MALRD1: variants seen among roughly 807,000 people sequenced by gnomAD.
MALRD1 encodes MAM and LDL-receptor class A domain-containing protein 1.
MALRD1 carries 247 observed loss-of-function variants against 242.1 expected under a neutral mutation model. The ratio of observed to expected loss-of-function variants is 1.02; its 90% CI spans 0.92 to 1.13. The LOEUF (loss-of-function observed/expected upper bound fraction) is 1.13, where lower values mean the gene tolerates loss of function less well. Ranked by LOEUF, MALRD1 falls within the 50% of genes most tolerant of loss-of-function variation. The pLI is 0.00. For missense variants in MALRD1, 2,989 were observed against 2,533.1 expected (o/e 1.18, Z -3.86); for synonymous variants, 995 against 866.6 (o/e 1.15, Z -2.60).
chr10:19,511,915 A>C lies in MALRD1; in HGVS notation c.5320+13269A>C, dbSNP rs547646464. ...AAGTTTTGATCCTTGTTTTGGGGAAAGTTGGCCACATCTAGGATGTCATCT... is the reference window on the plus strand; with the variant it reads ...AAGTTTTGATCCTTGTTTTGGGGAACGTTGGCCACATCTAGGATGTCATCT... On this transcript the variant is annotated intron_variant, in intron 31 of 39. Transcript: ENST00000454679. 2.4e-3 allele frequency among the ~76,000 whole-genome samples: 365 copies of C among 152,198 alleles called. 7 individuals carry two copies. In the East Asian group the frequency reaches 0.05, roughly 21 times the overall value.
chr10:19,168,659 G>A lies in MALRD1; in HGVS notation c.1830+2849G>A, dbSNP rs573903682. Among the ~76,000 whole-genome samples, 55 of 152,230 alleles carry A rather than the reference G, an allele frequency of 3.6e-4. 1 individual carries two copies. The highest frequency in any genetic ancestry group is 1.3e-3 in the African/African-American group (53 of 41,550). ...GGAGACTATCCCTTATTATCTGGGG[G>A]CATATTAACTAGTTTGTAGATGGGC... On this transcript the variant is annotated intron_variant, in intron 13 of 39. Coordinates refer to ENST00000454679, the MANE Select transcript of MALRD1 (RefSeq NM_001142308.3).
intron 38 of MALRD1, 48 bp downstream of exon 38, chr10:19,692,602 A>T: frequency 7.0e-7 from 1 of 1,419,432 alleles, no homozygotes; most frequent in Middle Eastern, 1.8e-4. Context: ...TAGCAGAAAA[A>T]TTTTCTTCAA....
chr10:19,302,500 G>C (rs1467467341), intron 21 of MALRD1, among the ~76,000 whole-genome samples: 1 of 151,772 alleles, frequency 6.6e-6, no homozygotes, highest in East Asian at 1.9e-4. Context: ...GATGAACGTT[G>C]AGAACATTAT....
In MALRD1 at chr10:19,133,956, A is replaced by C; in HGVS notation, c.1203+8A>C. ...GATCTGAAGACATTTAAGGTATGAA[A>C]GAAAAAAAAAAAGTATTTTTTTATC... On this transcript the variant is annotated splice_region_variant and intron_variant, in intron 9 of 39. Transcript: ENST00000454679. The C allele has an allele frequency of 1.7e-6, 2 of 1,207,472 alleles. No homozygotes were observed. Among genetic ancestry groups the C allele is most frequent in the Non-Finnish European group, 1.0e-6 (1 of 966,218 alleles). The allele number at this position is 1,207,472 out of a possible 1,614,324, so 74.8% of individuals were successfully genotyped here. A position where few individuals can be genotyped will look rare whatever the true frequency, so the allele number is the denominator to read the frequency against.
intron 21 of MALRD1, among the ~76,000 whole-genome samples, chr10:19,310,869 T>C (rs1433784547): frequency 6.6e-6 from 1 of 151,474 alleles, no homozygotes; most frequent in Non-Finnish European, 1.5e-5. Flanking sequence ...ACAGTGCATG[T>C]CCCAGAATAC....
chr10:19,563,608 C>T (rs533574178), intron 32 of MALRD1, among the ~76,000 whole-genome samples: 1 of 152,314 alleles, frequency 6.6e-6, no homozygotes, highest in East Asian at 1.9e-4. Context: ...CAAAGGATTT[C>T]ACTCAGAGAC....
chr10:19,175,685 C>T (rs1835202089), intron 14 of MALRD1, among the ~76,000 whole-genome samples: 1 of 151,604 alleles, frequency 6.6e-6, no homozygotes, highest in South Asian at 2.1e-4. Context: ...TTCAAATGAG[C>T]ATGTAATAAT....
intron 32 of MALRD1, among the ~76,000 whole-genome samples, chr10:19,553,449 A>T (rs1188175657): frequency 6.6e-6 from 1 of 152,112 alleles, no homozygotes; most frequent in Non-Finnish European, 1.5e-5. Context: ...TTACATCATT[A>T]AAAAAATCCA....
chr10:19,353,523 C>G (rs957311770), intron 26 of MALRD1, among the ~76,000 whole-genome samples: 1 of 152,094 alleles, frequency 6.6e-6, no homozygotes, highest in Admixed American at 6.6e-5. Flanking sequence ...CATTTGGTTA[C>G]AAAGAAGTTT....
chr10:19,315,222 A>G (rs1380703721), intron 21 of MALRD1, among the ~76,000 whole-genome samples: 13 of 113,474 alleles, frequency 1.1e-4, no homozygotes, highest in African/African-American at 3.5e-4. Context: ...ATATAAATAT[A>G]TAAATATAAT....
chr10:19,155,851 T>C (rs1174971246), intron 12 of MALRD1, among the ~76,000 whole-genome samples: 3 of 152,234 alleles, frequency 2.0e-5, no homozygotes. Context: ...TGGCAAAATA[T>C]TTGGTACATA....
intron 1 of MALRD1, among the ~76,000 whole-genome samples, chr10:19,052,817 T>G (rs1834549278): frequency 6.6e-6 from 1 of 152,178 alleles, no homozygotes; most frequent in Non-Finnish European, 1.5e-5. Flanking sequence ...TCTACTCCCC[T>G]CTGAGATTGG....
chr10:19,208,720 A>C (rs1451581776), intron 17 of MALRD1, among the ~76,000 whole-genome samples: 1 of 152,198 alleles, frequency 6.6e-6, no homozygotes. Context: ...TTTTACCGTG[A>C]GCCCCAGGTG....
chr10:19,327,817 C>A, intron 23 of MALRD1, 144 bp downstream of exon 23: 1 of 598,514 alleles, frequency 1.7e-6, no homozygotes. Context: ...GCTTAACACT[C>A]CATGGAGCAT....
At chr10:19,394,623 TC>T (rs1184262473) in intron 28 of MALRD1, among the ~76,000 whole-genome samples, 1 of 152,072 alleles carries the variant, frequency 6.6e-6, no homozygotes, top group African/African-American at 2.4e-5. Flanking sequence ...CAAACCCACC[TC>T]CACCCCATCC....
intron 31 of MALRD1, among the ~76,000 whole-genome samples, chr10:19,514,475 T>G (rs2131298260): frequency 6.6e-6 from 1 of 152,272 alleles, no homozygotes; most frequent in African/African-American, 2.4e-5. Flanking sequence ...GAAAACTCCC[T>G]AAGTTAGTTC....
chr10:19,203,808 T>A lies in MALRD1; in HGVS notation c.2032T>A (p.Ser678Thr). 6.4e-7 allele frequency: 1 copy of A among 1,550,554 alleles called. No homozygotes were observed. The change falls in exon 15 of 40, where the codon TCT becomes ACT. Residue 678 changes from serine (S) to threonine (T), a missense_variant. Transcript: ENST00000454679. ...SGDHFDWIRS[S>T]QSELSADFEH... ...TGACCATTTTGACTGGATACGGAGCTCTCAGAGTGAACTTTCTGCTGATTT... is the reference window on the plus strand; with the variant it reads ...TGACCATTTTGACTGGATACGGAGCACTCAGAGTGAACTTTCTGCTGATTT...
At chr10:19,695,420 T>C (rs904295182) in intron 38 of MALRD1, among the ~76,000 whole-genome samples, 1 of 151,686 alleles carries the variant, frequency 6.6e-6, no homozygotes, top group Non-Finnish European at 1.5e-5. Flanking sequence ...GCATAATTTA[T>C]AAAGGAAAGA....
chr10:19,415,733 A>G (rs959408698), intron 28 of MALRD1, among the ~76,000 whole-genome samples: 9 of 152,196 alleles, frequency 5.9e-5, no homozygotes, highest in Non-Finnish European at 1.3e-4. Flanking sequence ...GACAGCTTTC[A>G]TATCAAAGAG....
Sources: gnomAD v4.1 joint callset for allele counts (sites outside exome capture counted in the v4.1 genomes callset) on GRCh38, gnomAD v4.1.1 for gene constraint, MANE v1.5 for transcripts, NCBI Gene and HGNC (gene_info 2026-07-23, HGNC 2026-07-21) for gene names.